TNFRSF10B: variants seen among roughly 807,000 people sequenced by gnomAD.
TNFRSF10B encodes the protein TNF receptor superfamily member 10b.
In TNFRSF10B, 35 loss-of-function variants were observed where a neutral mutation model predicts 41.4. The observed-to-expected ratio is 0.85, with a 90% CI of 0.65 to 1.12. The LOEUF (loss-of-function observed/expected upper bound fraction) is 1.12. TNFRSF10B is among the 50% of genes most tolerant of loss of function. TNFRSF10B has a pLI of 0.00. For synonymous variants in TNFRSF10B, 230 were observed against 215.5 expected (o/e 1.07, Z -0.59); for missense variants, 584 against 552.7 (o/e 1.06, Z -0.57).
intron 1 of TNFRSF10B, among the ~76,000 whole-genome samples, chr8:23,043,548 T>C (rs1812269174): frequency 6.6e-6 from 1 of 152,246 alleles, no homozygotes. Context: ...TCCATTAATA[T>C]TTTGTCTCAT....
rs1811534561 is a variant in TNFRSF10B, at chr8:23,021,868, T to C, written c.*803A>G. 2.2e-6 allele frequency: 1 copy of C among 454,138 alleles called. No homozygotes were observed. The highest frequency in any genetic ancestry group is 4.4e-6 in the Non-Finnish European group (1 of 226,778). 28.1% of individuals were successfully genotyped at this position (454,138 alleles called of 1,614,324 possible). On this transcript the variant is annotated 3_prime_UTR_variant, in exon 9 of 9. Transcript: ENST00000276431. Reference sequence around the variant, plus strand: ...CTTCCCCCATTGTATGTCTCCTCCTTTTATGTTTATCTAATCTATTCACAT... The same window carrying C: ...CTTCCCCCATTGTATGTCTCCTCCTCTTATGTTTATCTAATCTATTCACAT...
chr8:23,026,677 T>C (rs1016322602), intron 7 of TNFRSF10B, among the ~76,000 whole-genome samples: 2 of 152,218 alleles, frequency 1.3e-5, no homozygotes, highest in Non-Finnish European at 2.9e-5. Context: ...TGTGCGTGTG[T>C]CCAATACAAA....
intron 3 of TNFRSF10B, 32 bp downstream of exon 3, chr8:23,030,727 A>G: frequency 1.3e-6 from 2 of 1,551,002 alleles, no homozygotes; most frequent in Non-Finnish European, 1.8e-6. Context: ...CCCGCATTCC[A>G]CCTTTAGGCA....
At chr8:23,055,624 C>T (rs1466438018) in intron 1 of TNFRSF10B, among the ~76,000 whole-genome samples, 1 of 149,788 alleles carries the variant, frequency 6.7e-6, no homozygotes, top group Non-Finnish European at 1.5e-5. Flanking sequence ...TAAAGCATGA[C>T]AAAATAATGG....
chr8:23,022,742 T>C lies in TNFRSF10B; in HGVS notation c.1252A>G (p.Ile418Val). The change falls in exon 9 of 9, where the codon ATT becomes GTT. Residue 418 changes from isoleucine to valine, a missense_variant. By Grantham distance (29) the Ile-to-Val change is conservative. Transcript: ENST00000276431. Reference sequence around the variant, plus strand: ...CCAGAGCTCAACAAGTGGTCCTCAATCTTCTGCTTGGCAAGTCTCTCTCCC... The same window carrying C: ...CCAGAGCTCAACAAGTGGTCCTCAACCTTCTGCTTGGCAAGTCTCTCTCCC... ...TLGERLAKQK[I>V]EDHLLSSGKF... 1 of 1,613,944 alleles carries C rather than the reference T, an allele frequency of 6.2e-7. No homozygotes were observed. Among genetic ancestry groups the C allele is most frequent in the Non-Finnish European group, 8.5e-7 (1 of 1,179,968 alleles).
Position 23,022,701 on chromosome 8 carries a change from T to C in TNFRSF10B, c.1293A>G (p.Leu431=). 1 of 1,614,082 alleles carries C rather than the reference T, an allele frequency of 6.2e-7. No homozygotes were observed. The highest frequency in any genetic ancestry group is 8.5e-7 in the Non-Finnish European group (1 of 1,180,020). The change falls in exon 9 of 9, where the codon CTA becomes CTG. Residue 431 remains leucine, a synonymous_variant. Coordinates refer to ENST00000276431, the MANE Select transcript of TNFRSF10B (RefSeq NM_003842.5). ...HLLSSGKFMY[L]EGNADSAMS is the part of the protein sequence containing the mutation. ...ACATGGCAGAGTCTGCATTACCTTC[T>C]AGATACATGAACTTTCCAGAGCTCA...
Position 23,020,285 on chromosome 8 carries a change from C to A in TNFRSF10B, c.*2386G>T, listed in dbSNP as rs753899188. 2.2e-6 allele frequency: 1 copy of A among 454,120 alleles called. No homozygotes were observed. Among genetic ancestry groups the A allele is most frequent in the Non-Finnish European group, 4.4e-6 (1 of 226,784 alleles). The allele number at this position is 454,120 out of a possible 1,614,324, so 28.1% of individuals were successfully genotyped here. A position where few individuals can be genotyped will look rare whatever the true frequency, so the allele number is the denominator to read the frequency against. On this transcript the variant is annotated 3_prime_UTR_variant, in exon 9 of 9. Coordinates refer to ENST00000276431, the MANE Select transcript of TNFRSF10B (RefSeq NM_003842.5). ...ATGAAAGGACACCAACCACGAGTGA[C>A]ACACTATACTATGGCTGTCCTGTGT...
At chr8:23,047,541 G>GACCTGAGT (rs1812398839) in intron 1 of TNFRSF10B, among the ~76,000 whole-genome samples, 1 of 151,664 alleles carries the variant, frequency 6.6e-6, no homozygotes, top group African/African-American at 2.4e-5. Flanking sequence ...ATGGGCAAGG[G>GACCTGAGT]ACCTGAGTAG....
intron 1 of TNFRSF10B, among the ~76,000 whole-genome samples, chr8:23,056,536 A>C (rs1045418224): frequency 4.6e-5 from 7 of 151,964 alleles, no homozygotes; most frequent in African/African-American, 1.7e-4. Flanking sequence ...CTGTAATCCC[A>C]GCTACTCAGG....
At chr8:23,050,525 C>T (rs971001265) in intron 1 of TNFRSF10B, among the ~76,000 whole-genome samples, 1 of 152,012 alleles carries the variant, frequency 6.6e-6, no homozygotes, top group African/African-American at 2.4e-5. Flanking sequence ...TTTTATTTCT[C>T]TCTCTCCTAG....
chr8:23,049,944 G>A (rs118060493), intron 1 of TNFRSF10B: 1 of 152,280 alleles, frequency 6.6e-6, no homozygotes, highest in African/African-American at 2.4e-5. Context: ...GGTAGCTTGC[G>A]ATGAGACAGT....
At chr8:23,044,767 G>A (rs1812305666) in intron 1 of TNFRSF10B, among the ~76,000 whole-genome samples, 1 of 150,762 alleles carries the variant, frequency 6.6e-6, no homozygotes, top group Non-Finnish European at 1.5e-5. Flanking sequence ...CAGAACAAAA[G>A]AAATAATAAA....
rs1384961215 is a variant in TNFRSF10B, at chr8:23,020,967, C to T, written c.*1704G>A. ...AGTGCAAAGACCAGAAAGGTCACCC[C>T]CCACTCCTAAAACTCCACAGACACA... On this transcript the variant is annotated 3_prime_UTR_variant, in exon 9 of 9. Coordinates refer to ENST00000276431, the MANE Select transcript of TNFRSF10B (RefSeq NM_003842.5). The T allele has an allele frequency of 6.6e-6, 3 of 453,980 alleles. No individual in the cohort carries two copies. Among genetic ancestry groups the T allele is most frequent in the East Asian group, 6.9e-5 (1 of 14,398 alleles). 28.1% of individuals were successfully genotyped at this position (453,980 alleles called of 1,614,324 possible). A position where few individuals can be genotyped will look rare whatever the true frequency, so the allele number is the denominator to read the frequency against.
intron 1 of TNFRSF10B, among the ~76,000 whole-genome samples, chr8:23,060,979 C>A (rs1045055745): frequency 2.6e-5 from 4 of 151,876 alleles, no homozygotes; most frequent in African/African-American, 9.7e-5. Context: ...ATTTTGTATT[C>A]CGCTTCTTTG....
intron 1 of TNFRSF10B, among the ~76,000 whole-genome samples, chr8:23,046,615 T>TAAA (rs147614589): frequency 3.1e-5 from 4 of 129,842 alleles, no homozygotes; most frequent in Non-Finnish European, 5.2e-5. Context: ...TATGCAACCA[T>TAAA]AAAAAAAAAA....
intron 2 of TNFRSF10B, among the ~76,000 whole-genome samples, chr8:23,038,334 G>A (rs1333122141): frequency 6.6e-6 from 1 of 152,174 alleles, no homozygotes; most frequent in Non-Finnish European, 1.5e-5. Context: ...GACCAGCTGA[G>A]GTGCTTAGTG....
At chr8:23,035,051 C>A (rs1811991186) in intron 2 of TNFRSF10B, among the ~76,000 whole-genome samples, 1 of 152,190 alleles carries the variant, frequency 6.6e-6, no homozygotes, top group South Asian at 2.1e-4. Flanking sequence ...AAGCAGTTTG[C>A]TTTCAGTTGG....
chr8:23,038,127 T>C (rs747766664), intron 2 of TNFRSF10B, among the ~76,000 whole-genome samples: 9 of 152,156 alleles, frequency 5.9e-5, no homozygotes, highest in Non-Finnish European at 1.3e-4. Flanking sequence ...GAAGGGAAAA[T>C]TGGACTGTTA....
At chr8:23,044,639 G>A (rs1427418891) in intron 1 of TNFRSF10B, among the ~76,000 whole-genome samples, 1 of 152,042 alleles carries the variant, frequency 6.6e-6, no homozygotes, top group Non-Finnish European at 1.5e-5. Context: ...AGCAAAAGCA[G>A]TTTTAAGAGG....
Sources: allele counts gnomAD v4.1 joint callset (sites outside exome capture counted in the v4.1 genomes callset), GRCh38; gene constraint gnomAD v4.1.1; transcripts MANE v1.5; gene names NCBI Gene and HGNC (gene_info 2026-07-23, HGNC 2026-07-21).